PCLO: variants seen among roughly 807,000 people sequenced by gnomAD.
PCLO encodes piccolo presynaptic cytomatrix protein, also known as protein piccolo.
In PCLO, 82 loss-of-function variants were observed where a neutral mutation model predicts 427.5. The ratio of observed to expected loss-of-function variants is 0.19; its 90% confidence interval spans 0.16 to 0.23. The LOEUF (loss-of-function observed/expected upper bound fraction) is 0.23. Among genes scored for constraint, PCLO ranks in the 10% least tolerant of loss-of-function variants. PCLO has a pLI of 1.00. For synonymous variants in PCLO, 2,357 were observed against 2,155.4 expected, an observed-to-expected ratio of 1.09 and a Z score of -2.59; for missense variants, 6,239 against 6,115.9, an observed-to-expected ratio of 1.02 and a Z score of -0.67.
At chr7:83,156,651 T>C (rs1253979209) in intron 1 of PCLO, among the ~76,000 whole-genome samples, 1 of 151,454 alleles carries the variant, frequency 6.6e-6, no homozygotes, top group Non-Finnish European at 1.5e-5. Context: ...AATTAAAATA[T>C]ATAATTAGAA....
chr7:83,013,249 A>G (rs927653413), intron 3 of PCLO, among the ~76,000 whole-genome samples: 1 of 152,228 alleles, frequency 6.6e-6, no homozygotes, highest in African/African-American at 2.4e-5. Flanking sequence ...CATTAATAAT[A>G]TAAGTTTTAC....
chr7:82,856,336 A>G (rs920203473), intron 10 of PCLO, among the ~76,000 whole-genome samples: 3 of 152,188 alleles, frequency 2.0e-5, no homozygotes, highest in Non-Finnish European at 4.4e-5. Context: ...AAGGGAATAC[A>G]ATTAGCCATG....
intron 3 of PCLO, among the ~76,000 whole-genome samples, chr7:82,997,036 A>G (rs1003548295): frequency 4.6e-5 from 7 of 152,004 alleles, no homozygotes; most frequent in Non-Finnish European, 8.8e-5. Context: ...TTAATTTTAA[A>G]TCAAAGGATT....
At chr7:83,067,532 T>C (rs73387691) in intron 3 of PCLO, among the ~76,000 whole-genome samples, 3,666 of 152,254 alleles carry the variant, frequency 0.024, 159 homozygotes, top group African/African-American at 0.084. Context: ...AAGAGGGTTC[T>C]TCACCACTGA....
chr7:82,905,078 C>A (rs1794154070), intron 8 of PCLO, among the ~76,000 whole-genome samples: 1 of 151,956 alleles, frequency 6.6e-6, no homozygotes, highest in Non-Finnish European at 1.5e-5. Context: ...TTGCTAACGC[C>A]AAATAAGAGT....
chr7:82,956,949 T>TA lies in PCLO; in HGVS notation c.4018-15dup, dbSNP rs989137162. On this transcript the variant is annotated splice_polypyrimidine_tract_variant and intron_variant, in intron 4 of 24. Transcript: ENST00000333891. ...ATCTTCCTTTTCCTAAGCAGGGAGA[T>TA]AAAGATACAGGAAAACTTAACATGG... 6.4e-7 allele frequency: 1 copy of TA among 1,559,490 alleles called. No individual in the cohort carries two copies. The highest frequency in any genetic ancestry group is 8.7e-7 in the Non-Finnish European group (1 of 1,154,798).
intron 2 of PCLO, among the ~76,000 whole-genome samples, chr7:83,150,037 C>G (rs1449754551): frequency 2.6e-5 from 4 of 151,936 alleles, no homozygotes; most frequent in African/African-American, 9.7e-5. Flanking sequence ...CATTTTAATC[C>G]CTAACATTTG....
intron 7 of PCLO, 77 bp from the exon 8 acceptor site, chr7:82,909,090 T>C (rs780559403): frequency 8.6e-5 from 122 of 1,421,320 alleles, no homozygotes; most frequent in Non-Finnish European, 1.1e-4. Flanking sequence ...TGTTCTGTAG[T>C]ACTAGCATGC....
intron 9 of PCLO, among the ~76,000 whole-genome samples, chr7:82,886,698 G>C (rs62461404): frequency 0.091 from 13,900 of 152,006 alleles, 723 homozygotes; most frequent in Middle Eastern, 0.12. Context: ...TTTTTTCATT[G>C]AAGAGTTATT....
chr7:83,040,264 C>T (rs896234281), intron 3 of PCLO, among the ~76,000 whole-genome samples: 1 of 152,044 alleles, frequency 6.6e-6, no homozygotes, highest in African/African-American at 2.4e-5. Context: ...TTAGTGAAAT[C>T]TATTCTCCCA....
At chr7:82,847,507 T>C (rs1057070094) in intron 10 of PCLO, among the ~76,000 whole-genome samples, 5 of 152,168 alleles carry the variant, frequency 3.3e-5, no homozygotes, top group African/African-American at 7.2e-5. Context: ...ATCAAACGCA[T>C]GCATTCTGTT....
At chr7:83,097,918 A>T (rs547038021) in intron 3 of PCLO, among the ~76,000 whole-genome samples, 1 of 152,116 alleles carries the variant, frequency 6.6e-6, no homozygotes, top group Admixed American at 6.6e-5. Context: ...ATTAATTTCC[A>T]AAGTGTTTTA....
intron 3 of PCLO, among the ~76,000 whole-genome samples, chr7:83,114,146 C>T (rs868012452): frequency 1.5e-4 from 23 of 152,256 alleles, no homozygotes; most frequent in African/African-American, 5.3e-4. Context: ...CACCTAAATG[C>T]TGCTTTTCCT....
At chr7:83,101,029 C>CA (rs571166309) in intron 3 of PCLO, among the ~76,000 whole-genome samples, 61 of 151,980 alleles carry the variant, frequency 4.0e-4, no homozygotes, top group Middle Eastern at 6.9e-3. Context: ...TAAACATGAA[C>CA]AAACATGGAT....
intron 3 of PCLO, among the ~76,000 whole-genome samples, chr7:83,007,843 G>A (rs1787986189): frequency 6.6e-6 from 1 of 151,470 alleles, no homozygotes; most frequent in Non-Finnish European, 1.5e-5. Flanking sequence ...TTGTTATTAG[G>A]ATTATGTGAT....
chr7:83,118,005 CTG>C (rs984503148), intron 3 of PCLO, among the ~76,000 whole-genome samples: 11 of 151,744 alleles, frequency 7.2e-5, no homozygotes, highest in African/African-American at 2.7e-4. Flanking sequence ...GGAACATAAA[CTG>C]TGTTTTAATA....
At chr7:83,029,636 A>G (rs2116129825) in intron 3 of PCLO, among the ~76,000 whole-genome samples, 1 of 126,156 alleles carries the variant, frequency 7.9e-6, no homozygotes, top group Admixed American at 8.5e-5. Flanking sequence ...ACTATAAATC[A>G]TGCTGCTATA....
Position 83,162,287 on chromosome 7 carries a change from A to T in PCLO, c.248+58T>A, listed in dbSNP as rs1045922562. Reference sequence around the variant, plus strand: ...CGTGCTGGCACATACAGGCTGGCACATATGTGCACGGGAAGCTGTACATAT... The same window carrying T: ...CGTGCTGGCACATACAGGCTGGCACTTATGTGCACGGGAAGCTGTACATAT... On this transcript the variant is annotated intron_variant, in intron 1 of 24. Coordinates refer to ENST00000333891, the MANE Select transcript of PCLO (RefSeq NM_033026.6). The T allele has an allele frequency of 1.7e-5, 26 of 1,511,582 alleles. No individual in the cohort carries two copies. In the Admixed American group the frequency reaches 4.6e-4, roughly 26 times the overall value. The allele number at this position is 1,511,582 out of a possible 1,614,324, so 93.6% of individuals were successfully genotyped here. A position where few individuals can be genotyped will look rare whatever the true frequency, so the allele number is the denominator to read the frequency against.
rs758168855 is a variant in PCLO, at chr7:82,916,106, T to C, written c.11880A>G (p.Gln3960=). 1.2e-6 allele frequency: 2 copies of C among 1,613,534 alleles called. No homozygotes were observed. Among genetic ancestry groups the C allele is most frequent in the African/African-American group, 2.7e-5 (2 of 74,900 alleles). Reference sequence around the variant, plus strand: ...ATAATGTAGTTTGCCGTGGCTTCTGTTGTATCACCATCATCTGTGAAGGTA... The same window carrying C: ...ATAATGTAGTTTGCCGTGGCTTCTGCTGTATCACCATCATCTGTGAAGGTA... The part of the protein sequence containing the change: ...YQLPSQMMVI[Q]QKPRQTTLYL... The change falls in exon 7 of 25, where the codon CAA becomes CAG. Residue 3960 remains glutamine (Q), a synonymous_variant. Transcript: ENST00000333891.
Sources: allele counts gnomAD v4.1 joint callset (sites outside exome capture counted in the v4.1 genomes callset), GRCh38; gene constraint gnomAD v4.1.1; transcripts MANE v1.5; gene names NCBI Gene and HGNC (gene_info 2026-07-23, HGNC 2026-07-21).